The following RGPD8 variants were observed in gnomAD, a reference collection of about 807,000 sequenced individuals.
RGPD8 encodes RANBP2 like and GRIP domain containing 8, also known as RANBP2-like and GRIP domain-containing protein 8.
A neutral mutation model predicts 89.1 loss-of-function variants in RGPD8; 15 were observed. The observed-to-expected ratio is 0.17, with a 90% CI of 0.11 to 0.26. The LOEUF (loss-of-function observed/expected upper bound fraction) is 0.26. RGPD8 is among the 10% of genes least tolerant of loss of function. RGPD8 has a pLI of 1.00. For missense variants in RGPD8, 178 were observed against 1,179.6 expected, an observed-to-expected ratio of 0.15 and a Z score of 12.44; for synonymous variants, 62 against 420.9, an observed-to-expected ratio of 0.15 and a Z score of 10.44.
intron 1 of RGPD8, among the ~76,000 whole-genome samples, chr2:112,426,827 CTTTT>C (rs1200394000): frequency 7.5e-6 from 1 of 133,558 alleles, no homozygotes; most frequent in Non-Finnish European, 1.6e-5. Context: ...TCCCCCCTTC[CTTTT>C]TTTTTTTTTT....
chr2:112,376,459 TTTC>T (rs1403188987), intron 22 of RGPD8, among the ~76,000 whole-genome samples: 1 of 117,092 alleles, frequency 8.5e-6, no homozygotes, highest in Non-Finnish European at 1.8e-5. Context: ...AAATGACCAC[TTTC>T]TTCAATTAAT....
At chr2:112,373,432 A>C (rs1678020085) in intron 22 of RGPD8, among the ~76,000 whole-genome samples, 1 of 152,294 alleles carries the variant, frequency 6.6e-6, no homozygotes, top group Admixed American at 6.5e-5. Flanking sequence ...TGGGTAACCT[A>C]CTTTACCCCC....
At chr2:112,426,836 T>A (rs1679791288) in intron 1 of RGPD8, among the ~76,000 whole-genome samples, 1 of 141,392 alleles carries the variant, frequency 7.1e-6, no homozygotes, top group South Asian at 2.3e-4. Flanking sequence ...CCTTTTTTTT[T>A]TTTTTTTTGA....
Position 112,417,232 on chromosome 2 carries a change from G to C in RGPD8, c.743C>G (p.Ser248Cys). 1 of 1,610,198 alleles carries C rather than the reference G, an allele frequency of 6.2e-7. No individual in the cohort carries two copies. Among genetic ancestry groups the C allele is most frequent in the Non-Finnish European group, 8.5e-7 (1 of 1,179,824 alleles). ...AYANLMLLTLSTRDVQENREL... is the reference protein window; with the variant it reads ...AYANLMLLTLCTRDVQENREL... ...TCTATTTTCCTGCACATCTCTAGTG[G>C]AAAGCGTAAGAAGCATAAGATTAGC... is the stretch of plus-strand genomic sequence containing the variant. Residue 248 changes from serine to cysteine, a missense_variant, in exon 6 of 23, where the codon TCC (serine) becomes TGC (cysteine). Transcript: ENST00000302558.
rs182505089 is a variant in RGPD8 at position 112,380,405 on chromosome 2, G to A, written c.5061+419C>T. Among the ~76,000 whole-genome samples, 19 of 126,030 alleles carry A rather than the reference G, an allele frequency of 1.5e-4. 1 individual carries two copies. In the East Asian group the frequency reaches 3.8e-3, roughly 25 times the overall value. 82.7% of individuals were successfully genotyped at this position (126,030 alleles called of 152,430 possible). A position where few individuals can be genotyped will look rare whatever the true frequency, so the allele number is the denominator to read the frequency against. On this transcript the variant is annotated intron_variant, in intron 21 of 22. Transcript: ENST00000302558. ...GCGGTGGCTCACACCTGTAATACCC[G>A]CACTTCGGGAGGCCAAGGCAGGTGG...
chr2:112,426,222 C>T (rs569076211), intron 1 of RGPD8, among the ~76,000 whole-genome samples: 64 of 152,268 alleles, frequency 4.2e-4, no homozygotes, highest in African/African-American at 1.3e-3. Flanking sequence ...CTCTTTGGTG[C>T]CATTTTAAAT....
chr2:112,432,962 C>A (rs951080062), intron 1 of RGPD8, among the ~76,000 whole-genome samples: 2 of 118,442 alleles, frequency 1.7e-5, no homozygotes, highest in African/African-American at 5.7e-5. Flanking sequence ...GCCGCCGGGC[C>A]GGGTCGAGGC....
chr2:112,422,479 C>A, intron 3 of RGPD8, 69 bp downstream of exon 3: 1 of 1,578,578 alleles, frequency 6.3e-7, no homozygotes, highest in South Asian at 1.1e-5. Flanking sequence ...ATTTGACTTA[C>A]TTATATAAAT....
intron 2 of RGPD8, among the ~76,000 whole-genome samples, chr2:112,424,021 C>A (rs1289504696): frequency 6.6e-6 from 1 of 152,120 alleles, no homozygotes; most frequent in African/African-American, 2.4e-5. Flanking sequence ...CAATTTCTTG[C>A]CCTTGGTATA....
chr2:112,429,191 C>T (rs1362789547), intron 1 of RGPD8, among the ~76,000 whole-genome samples: 16 of 151,664 alleles, frequency 1.1e-4, no homozygotes, highest in African/African-American at 1.4e-4. Context: ...GAGGCTGAGG[C>T]GGGCGGATCA....
At chr2:112,371,817 G>T (rs1325725540) in intron 22 of RGPD8, among the ~76,000 whole-genome samples, 1 of 144,144 alleles carries the variant, frequency 6.9e-6, no homozygotes, top group Non-Finnish European at 1.5e-5. Context: ...GTTTTCATAC[G>T]TATATATGTA....
chr2:112,371,137 AAC>A (rs1217787155), intron 22 of RGPD8, among the ~76,000 whole-genome samples: 5 of 149,194 alleles, frequency 3.4e-5, no homozygotes, highest in Admixed American at 6.8e-5. Context: ...CTTAAAACTG[AAC>A]CACAACAAAC....
At chr2:112,408,964 G>A (rs1163814328) in intron 7 of RGPD8, among the ~76,000 whole-genome samples, 11 of 149,054 alleles carry the variant, frequency 7.4e-5, no homozygotes, top group East Asian at 2.0e-4. Flanking sequence ...GAGCCACCAC[G>A]CCTGGCTATT....
intron 6 of RGPD8, among the ~76,000 whole-genome samples, chr2:112,413,065 C>G (rs1356246748): frequency 2.6e-5 from 3 of 116,894 alleles, no homozygotes; most frequent in Non-Finnish European, 5.0e-5. Context: ...ATTTGAGTAT[C>G]AATACAGCAA....
chr2:112,395,936 C>A (rs1428522227), intron 17 of RGPD8, among the ~76,000 whole-genome samples: 2 of 152,208 alleles, frequency 1.3e-5, no homozygotes, highest in Admixed American at 6.5e-5. Context: ...CTAGAACCTA[C>A]AAAATGTCCC....
At chr2:112,425,629 A>C (rs1030880996) in intron 1 of RGPD8, among the ~76,000 whole-genome samples, 2 of 151,798 alleles carry the variant, frequency 1.3e-5, no homozygotes, top group African/African-American at 4.8e-5. Context: ...GCATGGTGGC[A>C]CACGCCTGTA....
At chr2:112,381,834 CATTTT>C (rs1383395933) in intron 20 of RGPD8, among the ~76,000 whole-genome samples, 2 of 151,806 alleles carry the variant, frequency 1.3e-5, no homozygotes, top group Admixed American at 6.6e-5. Context: ...CAAGAGCTAG[CATTTT>C]ATTTTAAAAA....
intron 22 of RGPD8, among the ~76,000 whole-genome samples, chr2:112,373,981 TA>T (rs959083216): frequency 1.4e-4 from 9 of 65,364 alleles, no homozygotes; most frequent in Admixed American, 3.9e-4. Flanking sequence ...TCTTTTGATT[TA>T]AAAAAAAAAT....
At chr2:112,390,387 C>T in intron 19 of RGPD8, 140 bp from the exon 20 acceptor site, 1 of 679,490 alleles carries the variant, frequency 1.5e-6, no homozygotes, top group East Asian at 2.7e-5. Flanking sequence ...ATTTATTGAG[C>T]ATTCATTAAT....
Sources: gnomAD v4.1 joint callset for allele counts (sites outside exome capture counted in the v4.1 genomes callset) on GRCh38, gnomAD v4.1.1 for gene constraint, MANE v1.5 for transcripts, NCBI Gene and HGNC (gene_info 2026-07-23, HGNC 2026-07-21) for gene names.